Variants in SLC38A6 observed in about 807,000 individuals in gnomAD.
The protein encoded by SLC38A6 is N system amino acid transporter NAT-1.
SLC38A6 carries 73 observed loss-of-function variants against 65.0 expected under a neutral mutation model. The observed-to-expected ratio is 1.12, with a 90% CI of 0.93 to 1.37. The LOEUF (loss-of-function observed/expected upper bound fraction) is 1.37, where lower values mean the gene tolerates loss of function less well. Ranked by LOEUF, SLC38A6 falls within the 40% of genes most tolerant of loss-of-function variation. SLC38A6 has a pLI of 0.00. For synonymous variants in SLC38A6, 183 were observed against 178.8 expected (o/e 1.02, Z -0.19); for missense variants, 561 against 531.1 (o/e 1.06, Z -0.55).
rs768425155 is a variant in SLC38A6 at position 61,019,553 on chromosome 14, G to A, written c.376G>A (p.Gly126Ser). Reference sequence around the variant, plus strand: ...TGTTCTTTTACAGTTGGTGGTGGCAGGCACCATAATAATTCAGAATATTGG... The same window carrying A: ...TGTTCTTTTACAGTTGGTGGTGGCAAGCACCATAATAATTCAGAATATTGG... ...FGLPGKLVVA[G>S]TIIIQNIGAM... The change falls in exon 5 of 16, where the codon GGC (glycine) becomes AGC (serine). Residue 126 changes from glycine (G) to serine (S), a missense_variant. Coordinates refer to ENST00000267488, the MANE Select transcript of SLC38A6 (RefSeq NM_153811.3). 8.1e-6 allele frequency: 13 copies of A among 1,613,316 alleles called. No homozygotes were observed. In the East Asian group the frequency reaches 2.0e-4, roughly 25 times the overall value.
chr14:61,061,794 A>G (rs1040839012), intron 15 of SLC38A6, among the ~76,000 whole-genome samples: 76 of 151,510 alleles, frequency 5.0e-4, no homozygotes, highest in African/African-American at 1.8e-3. Context: ...GCAATTACAA[A>G]TAAAGCTGCT....
intron 4 of SLC38A6, among the ~76,000 whole-genome samples, 157 bp downstream of exon 4, chr14:61,016,113 A>G (rs574587543): frequency 2.6e-5 from 4 of 152,328 alleles, no homozygotes; most frequent in African/African-American, 7.2e-5. Context: ...AGGCAAAGAA[A>G]GAGAAGTCTT....
chr14:61,000,819 T>G (rs916529689), intron 3 of SLC38A6, among the ~76,000 whole-genome samples: 6 of 152,146 alleles, frequency 3.9e-5, no homozygotes, highest in Non-Finnish European at 7.4e-5. Flanking sequence ...TGAATTCCAT[T>G]CAGCACTATG....
intron 15 of SLC38A6, among the ~76,000 whole-genome samples, chr14:61,064,219 C>T (rs2042950773): frequency 6.6e-6 from 1 of 152,158 alleles, no homozygotes; most frequent in South Asian, 2.1e-4. Flanking sequence ...CATGTGGCTT[C>T]AGGTCAGCCA....
At chr14:61,045,564 CAA>C (rs2042088310) in intron 11 of SLC38A6, 139 bp downstream of exon 11, 2 of 636,986 alleles carry the variant, frequency 3.1e-6, no homozygotes, top group South Asian at 2.2e-5. Context: ...ACAAAACAAA[CAA>C]GAGTTAGTTC....
chr14:61,028,122 A>T (rs986565536), intron 5 of SLC38A6, among the ~76,000 whole-genome samples: 28 of 152,248 alleles, frequency 1.8e-4, no homozygotes, highest in African/African-American at 6.5e-4. Flanking sequence ...AGGGGCTAAT[A>T]GAAATTCTGG....
At chr14:61,048,019 ATACATAC>A (rs1455279246) in intron 12 of SLC38A6, 2 of 369,750 alleles carry the variant, frequency 5.4e-6, no homozygotes, top group African/African-American at 4.3e-5. Flanking sequence ...ACATACATAC[ATACATAC>A]ATAAATAGAA....
intron 10 of SLC38A6, among the ~76,000 whole-genome samples, chr14:61,044,212 C>T (rs1413079837): frequency 1.3e-5 from 2 of 152,178 alleles, no homozygotes; most frequent in East Asian, 3.9e-4. Context: ...GTATAGTTCC[C>T]AGATGCTAGA....
At chr14:61,044,266 C>T (rs2041997882) in intron 10 of SLC38A6, among the ~76,000 whole-genome samples, 1 of 152,174 alleles carries the variant, frequency 6.6e-6, no homozygotes, top group South Asian at 2.1e-4. Context: ...AGAATGTTAG[C>T]TTGGTTACTC....
At chr14:61,006,798 T>C (rs920342846) in intron 3 of SLC38A6, among the ~76,000 whole-genome samples, 1 of 152,108 alleles carries the variant, frequency 6.6e-6, no homozygotes, top group African/African-American at 2.4e-5. Context: ...AGAAATACCA[T>C]TTGACCCAGC....
rs1036713092 is a variant in SLC38A6, at chr14:61,080,197, A to G, written c.1408+1270A>G. Among the ~76,000 whole-genome samples the G allele has an allele frequency of 5.3e-5, 8 of 152,238 alleles. No individual in the cohort carries two copies. The South Asian group carries it at 1.5e-3, about 28-fold the overall frequency. On this transcript the variant is annotated intron_variant, in intron 16 of 16. Transcript: ENST00000354886. ...TCCTAACTTGCTTTTACTCTTCTTC[A>G]TCTACTTTCTCATACCTATGACTGA...
Position 61,030,440 on chromosome 14 carries a change from T to C in SLC38A6, c.404-5T>C. On this transcript the variant is annotated splice_region_variant and splice_polypyrimidine_tract_variant and intron_variant, in intron 5 of 15. Coordinates refer to ENST00000267488, the MANE Select transcript of SLC38A6 (RefSeq NM_153811.3). ...CTAATAGGAACACTATTTATTCTTT[T>C]GCAGCTATGTCATCTTATCTTTTAA... The C allele has an allele frequency of 6.3e-7, 1 of 1,594,228 alleles. No individual in the cohort carries two copies. Among genetic ancestry groups the C allele is most frequent in the Non-Finnish European group, 8.5e-7 (1 of 1,170,620 alleles).
At chr14:61,038,448 T>G (rs1368070786) in intron 8 of SLC38A6, among the ~76,000 whole-genome samples, 1 of 152,172 alleles carries the variant, frequency 6.6e-6, no homozygotes, top group East Asian at 1.9e-4. Context: ...TGTCAAACCT[T>G]AAGTAGAAAT....
chr14:61,029,118 A>C (rs1040143780), intron 5 of SLC38A6, among the ~76,000 whole-genome samples: 1 of 151,448 alleles, frequency 6.6e-6, no homozygotes, highest in Non-Finnish European at 1.5e-5. Flanking sequence ...ATAAATAAGT[A>C]ATAAAATTAA....
Position 61,014,354 on chromosome 14 carries a change from T to A in SLC38A6, c.311-1550T>A, listed in dbSNP as rs147757025. On this transcript the variant is annotated intron_variant, in intron 3 of 15. Transcript: ENST00000267488. ...ACTTCCTCCTTTAGCTTGGAGTAGT[T>A]TGATCTTCTGAAGCCTTCTTCTCTC... Among the ~76,000 whole-genome samples the A allele has an allele frequency of 1.8e-3, 274 of 152,302 alleles. 1 individual carries two copies. Among genetic ancestry groups the A allele is most frequent in the African/African-American group, 6.3e-3 (263 of 41,562 alleles).
At chr14:61,050,185 C>T (rs1210490510) in intron 12 of SLC38A6, among the ~76,000 whole-genome samples, 1 of 152,142 alleles carries the variant, frequency 6.6e-6, no homozygotes, top group Admixed American at 6.6e-5. Context: ...AATTCAACAA[C>T]ACGTGTGAAA....
chr14:60,999,630 G>A (rs984856379), intron 3 of SLC38A6, among the ~76,000 whole-genome samples: 1 of 152,232 alleles, frequency 6.6e-6, no homozygotes, highest in African/African-American at 2.4e-5. Flanking sequence ...GAACTTTGCA[G>A]ATGTGACTGA....
chr14:61,070,294 G>A (rs149418106), intron 15 of SLC38A6, among the ~76,000 whole-genome samples: 2,088 of 152,278 alleles, frequency 0.014, 167 homozygotes, highest in Admixed American at 0.13. Flanking sequence ...TTGTACCAAG[G>A]AATCATGTAG....
At chr14:61,054,183 T>A (rs1344748469), downstream of SLC38A6, among the ~76,000 whole-genome samples, 1 of 152,164 alleles carries the variant, frequency 6.6e-6, no homozygotes, top group Non-Finnish European at 1.5e-5. Context: ...CAGATGGTCA[T>A]AGGTGTGTGG....
Sources: allele counts gnomAD v4.1 joint callset (sites outside exome capture counted in the v4.1 genomes callset), GRCh38; gene constraint gnomAD v4.1.1; transcripts MANE v1.5; gene names NCBI Gene and HGNC (gene_info 2026-07-23, HGNC 2026-07-21).